LRRC8C: variants seen among roughly 807,000 people sequenced by gnomAD.
LRRC8C encodes the protein volume-regulated anion channel subunit LRRC8C.
A neutral mutation model predicts 55.3 loss-of-function variants in LRRC8C; 20 were observed. That is an observed-to-expected ratio of 0.36 (90% CI 0.25 to 0.53). LRRC8C has a LOEUF of 0.53. Among genes scored for constraint, LRRC8C ranks in the 20% least tolerant of loss-of-function variants. The probability of loss-of-function intolerance (pLI) is 0.92; values close to 1 mark genes in which losing one functional copy is unlikely to be tolerated. For missense variants in LRRC8C, 659 were observed against 951.4 expected, an observed-to-expected ratio of 0.69 and a Z score of 4.04; for synonymous variants, 376 against 360.7, an observed-to-expected ratio of 1.04 and a Z score of -0.48.
chr1:89,620,966 C>A, the LRRC8C span, among the ~76,000 whole-genome samples: 3 of 152,202 alleles, frequency 2.0e-5, no homozygotes, highest in Non-Finnish European at 4.4e-5. Context: ...GCTTTTGCAA[C>A]TGAAATGTGT....
At chr1:89,636,836 T>A (rs1328009047) in intron 1 of LRRC8C, among the ~76,000 whole-genome samples, 2 of 152,216 alleles carry the variant, frequency 1.3e-5, no homozygotes, top group African/African-American at 4.8e-5. Context: ...TAAAATTTTT[T>A]TAAAATTCTT....
chr1:89,624,065 C>T, the LRRC8C span, among the ~76,000 whole-genome samples: 1 of 152,142 alleles, frequency 6.6e-6, no homozygotes, highest in Non-Finnish European at 1.5e-5. Flanking sequence ...GACCCACTTC[C>T]CACAGGGAGA....
chr1:89,655,578 T>A (rs1656921478), intron 1 of LRRC8C, among the ~76,000 whole-genome samples: 1 of 152,210 alleles, frequency 6.6e-6, no homozygotes, highest in Non-Finnish European at 1.5e-5. Flanking sequence ...AAGGCTGGGA[T>A]CCCAATATCA....
Position 89,715,036 on chromosome 1 carries a change from A to G in LRRC8C, c.*54A>G. On this transcript the variant is annotated 3_prime_UTR_variant, in exon 3 of 3. Coordinates refer to ENST00000370454, the MANE Select transcript of LRRC8C (RefSeq NM_032270.5). Reference sequence around the variant, plus strand: ...CACGCTTCTACCAAATACAGTATAAATAATTAGGTAGTCTTAATGCCTTTC... The same window carrying G: ...CACGCTTCTACCAAATACAGTATAAGTAATTAGGTAGTCTTAATGCCTTTC... 1 of 1,292,130 alleles carries G rather than the reference A, an allele frequency of 7.7e-7. No individual in the cohort carries two copies. Among genetic ancestry groups the G allele is most frequent in the Non-Finnish European group, 1.1e-6 (1 of 948,814 alleles). 80.0% of individuals were successfully genotyped at this position (1,292,130 alleles called of 1,614,324 possible). A position where few individuals can be genotyped will look rare whatever the true frequency, so the allele number is the denominator to read the frequency against.
Position 89,717,161 on chromosome 1 carries a change from T to C in LRRC8C, c.*2179T>C, listed in dbSNP as rs1416406288. On this transcript the variant is annotated 3_prime_UTR_variant, in exon 3 of 3. Transcript: ENST00000370454. ...CATAGCCCTATCTGTTTTAAACAAA[T>C]AATTTGTTGGCCGATTGTCCATGGT... 6.6e-6 allele frequency: 1 copy of C among 152,124 alleles called. No individual in the cohort carries two copies. The highest frequency in any genetic ancestry group is 2.1e-4 in the South Asian group (1 of 4,830). 9.4% of individuals were successfully genotyped at this position (152,124 alleles called of 1,614,324 possible). A position where few individuals can be genotyped will look rare whatever the true frequency, so the allele number is the denominator to read the frequency against.
Position 89,713,018 on chromosome 1 carries a change from G to A in LRRC8C, c.448G>A (p.Gly150Ser), listed in dbSNP as rs752952438. 6.2e-7 allele frequency: 1 copy of A among 1,614,046 alleles called. No homozygotes were observed. Among genetic ancestry groups the A allele is most frequent in the African/African-American group, 1.3e-5 (1 of 74,898 alleles). The change falls in exon 3 of 3, where the codon GGT becomes AGT. Residue 150 changes from glycine to serine, a missense_variant. Gly to Ser is a moderately conservative substitution (Grantham distance 56, BLOSUM62 0). Coordinates refer to ENST00000370454, the MANE Select transcript of LRRC8C (RefSeq NM_032270.5). The surrounding 1 kb of genome is among the most constrained non-coding windows in gnomAD (Gnocchi z 5.2). ...LCSNFWFKFP[G>S]SSSKIEHFIS... ...CAGTAACTTTTGGTTCAAATTCCCT[G>A]GTTCCAGCTCCAAAATAGAACATTT...
rs1017256639 is a variant in LRRC8C at position 89,641,966 on chromosome 1, T to A, written c.-5+8644T>A. Among the ~76,000 whole-genome samples, 5 of 152,370 alleles carry A rather than the reference T, an allele frequency of 3.3e-5. No homozygotes were observed. The South Asian group carries it at 1.0e-3, about 32-fold the overall frequency. ...TATGTGATCAAGGCATTCGCTGCCA[T>A]ATGATATTGCACAACCAGTAAGGCC... On this transcript the variant is annotated intron_variant, in intron 1 of 2. Coordinates refer to ENST00000370454, the MANE Select transcript of LRRC8C (RefSeq NM_032270.5).
At chr1:89,622,395 C>T in the LRRC8C span, among the ~76,000 whole-genome samples, 6 of 148,276 alleles carry the variant, frequency 4.0e-5, no homozygotes, top group Admixed American at 2.7e-4. Context: ...TGCAGTGGCG[C>T]GATCTCGGCT....
intron 1 of LRRC8C, among the ~76,000 whole-genome samples, chr1:89,684,567 T>C (rs952891060): frequency 1.3e-5 from 2 of 152,238 alleles, no homozygotes; most frequent in African/African-American, 4.8e-5. Flanking sequence ...AAGATGAATT[T>C]GTGCCATCTG....
upstream of LRRC8C, chr1:89,631,762 G>C (rs1003565178): frequency 1.3e-5 from 2 of 152,168 alleles, no homozygotes; most frequent in African/African-American, 4.8e-5. Flanking sequence ...TAAGGCCTAA[G>C]AGAATTTAAG....
At chr1:89,643,804 A>G (rs890465614) in intron 1 of LRRC8C, among the ~76,000 whole-genome samples, 3 of 152,230 alleles carry the variant, frequency 2.0e-5, no homozygotes, top group African/African-American at 7.2e-5. Context: ...GCATGTGCTC[A>G]TGCTGTGTAG....
chr1:89,642,031 G>C (rs143023373), intron 1 of LRRC8C, among the ~76,000 whole-genome samples: 5 of 152,326 alleles, frequency 3.3e-5, no homozygotes, highest in Non-Finnish European at 7.4e-5. Flanking sequence ...TGAAATCCTT[G>C]AAGTTATGTT....
chr1:89,665,755 C>T (rs986557090), intron 1 of LRRC8C, among the ~76,000 whole-genome samples: 3 of 152,054 alleles, frequency 2.0e-5, no homozygotes, highest in Non-Finnish European at 2.9e-5. Flanking sequence ...ATAAAGTCTA[C>T]GGCAGTGCAA....
chr1:89,651,520 A>G (rs768522661), intron 1 of LRRC8C, among the ~76,000 whole-genome samples: 14 of 140,346 alleles, frequency 1.0e-4, no homozygotes, highest in East Asian at 4.3e-4. Context: ...GTGAGCTGAG[A>G]TCGCGCCACT....
rs575036628 is a variant in LRRC8C, at chr1:89,662,688, G to A, written c.-4-23782G>A. On this transcript the variant is annotated intron_variant, in intron 1 of 2. Coordinates refer to ENST00000370454, the MANE Select transcript of LRRC8C (RefSeq NM_032270.5). ...ATTTTTTGATATTCCTCTTAAAATA[G>A]AGCCCTAAACTCCAGTAAGGGACCT... Among the ~76,000 whole-genome samples, 48 of 152,122 alleles carry A rather than the reference G, an allele frequency of 3.2e-4. 1 individual carries two copies. The South Asian group carries it at 9.8e-3, about 31-fold the overall frequency.
At chr1:89,624,279 G>C in the LRRC8C span, among the ~76,000 whole-genome samples, 1 of 152,194 alleles carries the variant, frequency 6.6e-6, no homozygotes, top group East Asian at 1.9e-4. Context: ...TTTCAAGGCT[G>C]TTCACTGTAC....
At chr1:89,648,917 A>G (rs1656687482) in intron 1 of LRRC8C, among the ~76,000 whole-genome samples, 1 of 152,156 alleles carries the variant, frequency 6.6e-6, no homozygotes, top group African/African-American at 2.4e-5. Context: ...TCAATGCCCC[A>G]CTTCTTTGTC....
chr1:89,640,751 G>T (rs1040982560), intron 1 of LRRC8C, among the ~76,000 whole-genome samples: 22 of 152,312 alleles, frequency 1.4e-4, no homozygotes, highest in African/African-American at 5.1e-4. Flanking sequence ...TTGGATCTGA[G>T]TTGGGTGTTT....
At chr1:89,644,806 TA>T (rs1656570023) in intron 1 of LRRC8C, among the ~76,000 whole-genome samples, 1 of 152,214 alleles carries the variant, frequency 6.6e-6, no homozygotes, top group South Asian at 2.1e-4. Flanking sequence ...CATGTAAACC[TA>T]AACCCCTGAG....
Sources: gnomAD v4.1 joint callset for allele counts (sites outside exome capture counted in the v4.1 genomes callset) on GRCh38, gnomAD v4.1.1 for gene constraint, Gnocchi (gnomAD v3.1) non-coding constraint, MANE v1.5 for transcripts, NCBI Gene and HGNC (gene_info 2026-07-23, HGNC 2026-07-21) for gene names.